The following PIBF1 variants were observed in gnomAD, a reference collection of about 807,000 sequenced individuals.
The protein encoded by PIBF1 is progesterone immunomodulatory binding factor 1.
In PIBF1, 90 loss-of-function variants were observed where a neutral mutation model predicts 112.5. That is an observed-to-expected ratio of 0.80 (90% CI 0.67 to 0.95). The LOEUF is 0.95. PIBF1 is among the 40% of genes least tolerant of loss of function. The pLI, the probability that PIBF1 is intolerant of heterozygous loss-of-function variation, is 0.00. For synonymous variants in PIBF1, 301 were observed against 288.6 expected (o/e 1.04, Z -0.44); for missense variants, 915 against 852.3 (o/e 1.07, Z -0.92).
intron 10 of PIBF1, among the ~76,000 whole-genome samples, chr13:72,868,713 G>A (rs1488023216): frequency 6.6e-6 from 1 of 151,464 alleles, no homozygotes; most frequent in Non-Finnish European, 1.5e-5. Flanking sequence ...GCTGGGTGCA[G>A]TGATTCATTC....
chr13:72,990,763 G>A (rs1024117184), intron 16 of PIBF1, among the ~76,000 whole-genome samples: 4 of 151,436 alleles, frequency 2.6e-5, no homozygotes, highest in South Asian at 2.1e-4. Context: ...TAGGAGAATC[G>A]TTTGAACCCG....
intron 10 of PIBF1, among the ~76,000 whole-genome samples, chr13:72,881,793 C>T (rs1238171996): frequency 6.7e-6 from 1 of 149,714 alleles, no homozygotes; most frequent in African/African-American, 2.5e-5. Flanking sequence ...GGAGAACATA[C>T]AAAAGATGGA....
intron 5 of PIBF1, among the ~76,000 whole-genome samples, chr13:72,809,117 G>A (rs1167764305): frequency 4.1e-5 from 6 of 144,764 alleles, no homozygotes; most frequent in Non-Finnish European, 8.9e-5. Context: ...CACCACTTGG[G>A]GGCAGTATAT....
chr13:72,905,388 C>T (rs1046160528), intron 11 of PIBF1, among the ~76,000 whole-genome samples: 1 of 152,018 alleles, frequency 6.6e-6, no homozygotes, highest in Non-Finnish European at 1.5e-5. Context: ...TTTTAACCAC[C>T]ACAATATTTA....
At chr13:73,010,706 A>T (rs961420423) in intron 17 of PIBF1, among the ~76,000 whole-genome samples, 1 of 151,650 alleles carries the variant, frequency 6.6e-6, no homozygotes, top group Non-Finnish European at 1.5e-5. Flanking sequence ...CAGTCACCCA[A>T]ATCTATCTGA....
intron 16 of PIBF1, among the ~76,000 whole-genome samples, chr13:72,975,543 T>C (rs1273737520): frequency 6.6e-6 from 1 of 152,126 alleles, no homozygotes; most frequent in African/African-American, 2.4e-5. Context: ...TGGAGGATTG[T>C]CTGTATCTGA....
At chr13:72,900,696 T>G (rs1289313221) in intron 11 of PIBF1, among the ~76,000 whole-genome samples, 1 of 152,126 alleles carries the variant, frequency 6.6e-6, no homozygotes, top group Non-Finnish European at 1.5e-5. Flanking sequence ...TAGGCAAGGA[T>G]TCCATGACCA....
intron 6 of PIBF1, among the ~76,000 whole-genome samples, chr13:72,824,696 A>G (rs1486488768): frequency 1.3e-5 from 2 of 152,186 alleles, no homozygotes; most frequent in Non-Finnish European, 2.9e-5. Context: ...AAGTATAAGT[A>G]TGTTAGGGAA....
chr13:72,879,649 T>C (rs1415642288), intron 10 of PIBF1, among the ~76,000 whole-genome samples: 5 of 152,224 alleles, frequency 3.3e-5, no homozygotes, highest in African/African-American at 1.2e-4. Flanking sequence ...ACTTGGTCAG[T>C]ATGGCATCCC....
intron 5 of PIBF1, among the ~76,000 whole-genome samples, chr13:72,803,271 T>A (rs2035571714): frequency 6.6e-6 from 1 of 151,920 alleles, no homozygotes; most frequent in Non-Finnish European, 1.5e-5. Flanking sequence ...GTTTTTTGTT[T>A]TTTTCCTTAA....
At chr13:72,896,887 TGAG>T (rs2040302369) in intron 11 of PIBF1, among the ~76,000 whole-genome samples, 2 of 152,160 alleles carry the variant, frequency 1.3e-5, no homozygotes, top group African/African-American at 4.8e-5. Flanking sequence ...GGGGAATAAT[TGAG>T]GAAAACTTCC....
intron 12 of PIBF1, among the ~76,000 whole-genome samples, chr13:72,915,847 A>G (rs1460908925): frequency 6.6e-6 from 1 of 152,206 alleles, no homozygotes; most frequent in Non-Finnish European, 1.5e-5. Context: ...CCAATCAACA[A>G]ATGTATCCCT....
intron 16 of PIBF1, among the ~76,000 whole-genome samples, chr13:72,983,234 A>G (rs1369594094): frequency 6.6e-6 from 1 of 152,076 alleles, no homozygotes; most frequent in East Asian, 1.9e-4. Flanking sequence ...CAGGAGGTCA[A>G]GGCTGCAGTG....
intron 9 of PIBF1, among the ~76,000 whole-genome samples, chr13:72,843,261 G>A (rs1467993823): frequency 2.0e-5 from 3 of 152,210 alleles, no homozygotes; most frequent in Admixed American, 2.0e-4. Context: ...ATGAAAATAA[G>A]TAGAAAGAGA....
chr13:72,894,784 T>C (rs903175799), intron 11 of PIBF1, among the ~76,000 whole-genome samples: 248 of 147,018 alleles, frequency 1.7e-3, no homozygotes, highest in East Asian at 0.016. Flanking sequence ...TGTGTGTGTG[T>C]GTGTGTGTGT....
intron 14 of PIBF1, among the ~76,000 whole-genome samples, chr13:72,941,712 G>A (rs994378155): frequency 2.6e-5 from 4 of 152,130 alleles, no homozygotes; most frequent in Non-Finnish European, 4.4e-5. Context: ...TGAAAGAGGC[G>A]TCAAGGTGCA....
chr13:72,805,333 G>A (rs1482469828), intron 5 of PIBF1, among the ~76,000 whole-genome samples: 3 of 152,036 alleles, frequency 2.0e-5, no homozygotes, highest in Admixed American at 6.6e-5. Context: ...TAGTAGAGAC[G>A]GGGTTTCACC....
intron 2 of PIBF1, among the ~76,000 whole-genome samples, chr13:72,786,324 G>C (rs1321302691): frequency 6.6e-6 from 1 of 152,106 alleles, no homozygotes; most frequent in Non-Finnish European, 1.5e-5. Context: ...ATCCCTGAAA[G>C]GCTGCTGTTT....
chr13:72,793,550 GAGA>G (rs1176141626), intron 3 of PIBF1, among the ~76,000 whole-genome samples: 32 of 152,298 alleles, frequency 2.1e-4, no homozygotes, highest in Non-Finnish European at 1.5e-4. Flanking sequence ...ACAATACTTT[GAGA>G]ACCACTGCAT....
Sources: allele counts gnomAD v4.1 joint callset (sites outside exome capture counted in the v4.1 genomes callset), GRCh38; gene constraint gnomAD v4.1.1; transcripts MANE v1.5; gene names NCBI Gene and HGNC (gene_info 2026-07-23, HGNC 2026-07-21).